The following SLC35F4 variants were observed in gnomAD, a reference collection of about 807,000 sequenced individuals.
SLC35F4 encodes the protein solute carrier family 35 member F4.
SLC35F4 carries 24 observed loss-of-function variants against 44.2 expected under a neutral mutation model. The observed-to-expected ratio is 0.54, with a 90% CI of 0.39 to 0.76. The LOEUF is 0.76. Ranked by LOEUF, SLC35F4 falls within the 30% of genes least tolerant of loss-of-function variation. The pLI is 0.00. For missense variants in SLC35F4, 562 were observed against 586.1 expected, an observed-to-expected ratio of 0.96 and a Z score of 0.42; for synonymous variants, 238 against 223.6, an observed-to-expected ratio of 1.06 and a Z score of -0.57.
rs1273510313 is a variant in SLC35F4 at position 57,676,432 on chromosome 14, G to A, written c.104-82308C>T. Among the ~76,000 whole-genome samples the A allele has an allele frequency of 2.6e-5, 4 of 152,030 alleles. 1 individual carries two copies. The highest frequency in any genetic ancestry group is 9.7e-5 in the African/African-American group (4 of 41,340). On this transcript the variant is annotated intron_variant, in intron 1 of 7. Coordinates refer to ENST00000556826, the MANE Select transcript of SLC35F4 (RefSeq NM_001306087.2). ...CACACTGGGGCCTGTCATGGGGATG[G>A]GGGAAGAGAGAGCACCAGGATAAAA...
At chr14:57,945,439 A>ATCTGTG in intron 1 of SLC35F4, among the ~76,000 whole-genome samples, 1 of 104,748 alleles carries the variant, frequency 9.5e-6, no homozygotes, top group African/African-American at 4.8e-5. Flanking sequence ...AGCAATGATA[A>ATCTGTG]TGTGTGTGTG....
chr14:57,851,176 T>C (rs1886525810), intron 1 of SLC35F4, among the ~76,000 whole-genome samples: 1 of 152,234 alleles, frequency 6.6e-6, no homozygotes, highest in Non-Finnish European at 1.5e-5. Context: ...GCTTTCTCAC[T>C]AAAATTTACC....
In SLC35F4 at chr14:57,569,715, C is replaced by T. The variant is rs2068389774; in HGVS notation, c.1126+73G>A. On this transcript the variant is annotated intron_variant, in intron 6 of 7. Transcript: ENST00000556826. ...GCACAGAGTTACCCAAGGAAATAAT[C>T]CTATGATGATAATCTAACTAGCCAA... The T allele has an allele frequency of 2.1e-6, 3 of 1,404,582 alleles. No homozygotes were observed. In the South Asian group the frequency reaches 4.9e-5, roughly 23 times the overall value. 87.0% of individuals were successfully genotyped at this position (1,404,582 alleles called of 1,614,324 possible).
At chr14:57,941,752 G>A (rs1889920156) in intron 1 of SLC35F4, among the ~76,000 whole-genome samples, 2 of 152,028 alleles carry the variant, frequency 1.3e-5, no homozygotes, top group Admixed American at 6.5e-5. Flanking sequence ...CCAAAAGTGA[G>A]AATACATGAC....
chr14:57,567,809 G>C (rs984928244), intron 6 of SLC35F4, among the ~76,000 whole-genome samples: 6 of 152,226 alleles, frequency 3.9e-5, no homozygotes, highest in Admixed American at 2.0e-4. Context: ...GTGCAATTCA[G>C]ACATGCTAGG....
intron 1 of SLC35F4, among the ~76,000 whole-genome samples, chr14:57,964,670 G>T (rs1293734014): frequency 6.6e-6 from 1 of 152,026 alleles, no homozygotes; most frequent in East Asian, 1.9e-4. Context: ...AGGTTGTGCA[G>T]AATTCCTCAT....
At chr14:57,771,349 TG>T (rs2077358422) in intron 1 of SLC35F4, among the ~76,000 whole-genome samples, 1 of 152,156 alleles carries the variant, frequency 6.6e-6, no homozygotes, top group Non-Finnish European at 1.5e-5. Context: ...CATCCATAAG[TG>T]GGGCTGAAAA....
chr14:57,939,087 T>C (rs748304145), intron 1 of SLC35F4, among the ~76,000 whole-genome samples: 10 of 151,938 alleles, frequency 6.6e-5, no homozygotes, highest in Non-Finnish European at 1.2e-4. Flanking sequence ...AGTGCTGGTA[T>C]CTTTCCCCCC....
At chr14:57,630,256 C>T in intron 1 of SLC35F4, 3 of 552,720 alleles carry the variant, frequency 5.4e-6, no homozygotes, top group South Asian at 3.3e-5. Flanking sequence ...TACAGACATT[C>T]TAGAAGCCAA....
chr14:57,669,264 T>C (rs1421302658), intron 1 of SLC35F4, among the ~76,000 whole-genome samples: 2 of 151,854 alleles, frequency 1.3e-5, no homozygotes, highest in Non-Finnish European at 2.9e-5. Flanking sequence ...TATACAATCA[T>C]GTCAACTGCA....
Position 57,855,589 on chromosome 14 carries a change from T to G in SLC35F4, c.103+10134A>C, listed in dbSNP as rs150416686. On this transcript the variant is annotated intron_variant, in intron 1 of 7. Coordinates refer to ENST00000556826, the MANE Select transcript of SLC35F4 (RefSeq NM_001306087.2). ...AATAGGAATGCTTTTACACTGTTAG[T>G]GGGAGTGTAAATTAGTTCAACCATT... Among the ~76,000 whole-genome samples, 682 of 152,304 alleles carry G rather than the reference T, an allele frequency of 4.5e-3. 5 individuals are homozygous for G. The highest frequency in any genetic ancestry group is 0.016 in the African/African-American group (649 of 41,552).
chr14:57,683,815 CTA>C (rs1435703039), intron 1 of SLC35F4, among the ~76,000 whole-genome samples: 4 of 152,132 alleles, frequency 2.6e-5, no homozygotes, highest in African/African-American at 9.7e-5. Context: ...AGGAAAGGGG[CTA>C]TGGGCTGCCT....
intron 1 of SLC35F4, among the ~76,000 whole-genome samples, chr14:57,739,787 T>A (rs917592991): frequency 6.6e-6 from 1 of 152,182 alleles, no homozygotes; most frequent in Non-Finnish European, 1.5e-5. Context: ...ACCTGACAAG[T>A]TCAGTGTGAG....
At chr14:57,740,052 GT>G (rs2076566450) in intron 1 of SLC35F4, among the ~76,000 whole-genome samples, 1 of 152,046 alleles carries the variant, frequency 6.6e-6, no homozygotes, top group Non-Finnish European at 1.5e-5. Context: ...TACAGATGGG[GT>G]TTCGTCATGT....
chr14:57,764,119 T>C (rs905225245), intron 1 of SLC35F4, among the ~76,000 whole-genome samples: 4 of 152,194 alleles, frequency 2.6e-5, no homozygotes, highest in Admixed American at 2.6e-4. Flanking sequence ...TAATTTTATA[T>C]GTCCACCCCA....
rs143761414 is a variant in SLC35F4, at chr14:57,923,291, T to C, written n.282+58622A>G. 3.2e-3 allele frequency among the ~76,000 whole-genome samples: 489 copies of C among 152,364 alleles called. 2 individuals carry two copies. Among genetic ancestry groups the C allele is most frequent in the African/African-American group, 0.011 (469 of 41,578 alleles). On this transcript the variant is annotated intron_variant and non_coding_transcript_variant, in intron 1 of 1. Coordinates refer to the SLC35F4 transcript ENST00000556568. Reference sequence around the variant, plus strand: ...TTCAGTCATTTTTGTCCTATGTAAATGGCAGTTTCAAAAGTTCAGCCTAAT... The same window carrying C: ...TTCAGTCATTTTTGTCCTATGTAAACGGCAGTTTCAAAAGTTCAGCCTAAT...
intron 1 of SLC35F4, among the ~76,000 whole-genome samples, chr14:57,916,681 T>C (rs866818886): frequency 1.3e-5 from 2 of 152,318 alleles, no homozygotes; most frequent in South Asian, 4.1e-4. Context: ...ACAGTCTTTA[T>C]TTTTTCTTTA....
At chr14:57,686,976 A>C (rs529061816) in intron 1 of SLC35F4, among the ~76,000 whole-genome samples, 2 of 152,172 alleles carry the variant, frequency 1.3e-5, no homozygotes, top group Non-Finnish European at 2.9e-5. Flanking sequence ...TGAGATCATT[A>C]AGATGGCCCT....
At chr14:57,745,951 G>A (rs2076742394) in intron 1 of SLC35F4, among the ~76,000 whole-genome samples, 1 of 152,128 alleles carries the variant, frequency 6.6e-6, no homozygotes, top group South Asian at 2.1e-4. Context: ...GACGAAGCTG[G>A]AAACCATCAT....
Sources: allele counts gnomAD v4.1 joint callset (sites outside exome capture counted in the v4.1 genomes callset), GRCh38; gene constraint gnomAD v4.1.1; transcripts MANE v1.5; gene names NCBI Gene and HGNC (gene_info 2026-07-23, HGNC 2026-07-21).